Variants in SV2B observed in about 807,000 individuals in gnomAD.
SV2B encodes synaptic vesicle glycoprotein 2B, also known as solute carrier family 22 member B2.
A neutral mutation model predicts 73.9 loss-of-function variants in SV2B; 41 were observed. The observed-to-expected ratio is 0.56, with a 90% CI of 0.43 to 0.72. The LOEUF (loss-of-function observed/expected upper bound fraction) is 0.72. Among genes scored for constraint, SV2B ranks in the 30% least tolerant of loss-of-function variants. SV2B has a pLI of 0.00. For synonymous variants in SV2B, 314 were observed against 314.2 expected (o/e 1.00, Z 0.01); for missense variants, 764 against 857.8 (o/e 0.89, Z 1.37).
Position 91,268,371 on chromosome 15 carries a change from A to G in SV2B, c.1209-70A>G, listed in dbSNP as rs2048176713. 6.9e-7 allele frequency: 1 copy of G among 1,459,844 alleles called. No homozygotes were observed. 90.4% of individuals were successfully genotyped at this position (1,459,844 alleles called of 1,614,324 possible). A position where few individuals can be genotyped will look rare whatever the true frequency, so the allele number is the denominator to read the frequency against. ...AATGAGTTTGATCTGCATCAAGTCAAGAGTGTAGACCCTGATCATGAAAGA... is the reference window on the plus strand; with the variant it reads ...AATGAGTTTGATCTGCATCAAGTCAGGAGTGTAGACCCTGATCATGAAAGA... On this transcript the variant is annotated intron_variant, in intron 8 of 12. Transcript: ENST00000394232. The surrounding 1 kb of genome is among the most constrained non-coding windows in gnomAD (Gnocchi z 4.4).
chr15:91,142,050 A>C (rs1464824272), intron 1 of SV2B, among the ~76,000 whole-genome samples: 2 of 152,158 alleles, frequency 1.3e-5, no homozygotes, highest in East Asian at 1.9e-4. Context: ...CTGAACCCTA[A>C]GAGCTGGATA....
intron 1 of SV2B, among the ~76,000 whole-genome samples, chr15:91,109,988 G>A (rs976371490): frequency 2.6e-5 from 4 of 152,174 alleles, no homozygotes; most frequent in East Asian, 1.9e-4. Flanking sequence ...GCCTCCCAAA[G>A]TGCTGGGATT....
rs2046912109 is a variant in SV2B, at chr15:91,239,295, A to G, written c.452-12524A>G. The stretch of plus-strand genomic sequence containing the variant: ...AATCTCTGCTGGGGATGTGCAGAAA[A>G]TAGTCCAAAGAAGTTTTGTCCTTGC... On this transcript the variant is annotated intron_variant, in intron 2 of 12. Coordinates refer to ENST00000394232, the MANE Select transcript of SV2B (RefSeq NM_001323032.3). This position sits in a 1 kb window ranked among gnomAD's most constrained non-coding sequence, Gnocchi z 5.1. Among the ~76,000 whole-genome samples the G allele has an allele frequency of 1.3e-5, 2 of 152,026 alleles. No individual in the cohort carries two copies. The highest frequency in any genetic ancestry group is 1.9e-4 in the East Asian group (1 of 5,174).
intron 1 of SV2B, among the ~76,000 whole-genome samples, chr15:91,134,040 C>T (rs2042741667): frequency 9.1e-6 from 1 of 110,462 alleles, no homozygotes; most frequent in Non-Finnish European, 1.8e-5. Flanking sequence ...GCTCTGTCTC[C>T]TAGGCTGGAG....
chr15:91,228,045 G>A (rs189447637), intron 2 of SV2B, among the ~76,000 whole-genome samples: 3 of 152,272 alleles, frequency 2.0e-5, no homozygotes, highest in Admixed American at 6.5e-5. Flanking sequence ...TTTAGCCTGC[G>A]GGCTGCAGTT....
intron 6 of SV2B, among the ~76,000 whole-genome samples, chr15:91,266,002 G>A (rs912147811): frequency 2.6e-5 from 4 of 152,160 alleles, no homozygotes; most frequent in African/African-American, 9.7e-5. Flanking sequence ...AATTAGCTGG[G>A]TGTGGTGGTG....
At chr15:91,165,074 T>C (rs535150171) in intron 1 of SV2B, among the ~76,000 whole-genome samples, 2 of 152,292 alleles carry the variant, frequency 1.3e-5, no homozygotes, top group South Asian at 2.1e-4. Context: ...TGGTGGCTCT[T>C]GCCTGTAATC....
At chr15:91,159,699 C>G (rs2043641709) in intron 1 of SV2B, among the ~76,000 whole-genome samples, 1 of 152,098 alleles carries the variant, frequency 6.6e-6, no homozygotes, top group Non-Finnish European at 1.5e-5. Flanking sequence ...AAGTTTCCAA[C>G]TAAATACGAC....
intron 1 of SV2B, among the ~76,000 whole-genome samples, chr15:91,222,690 C>T (rs79019892): frequency 6.6e-6 from 1 of 152,082 alleles, no homozygotes; most frequent in Non-Finnish European, 1.5e-5. Flanking sequence ...TCTGTTTGAA[C>T]GTGGATTTCA....
chr15:91,146,331 G>C (rs1285503366), intron 1 of SV2B, among the ~76,000 whole-genome samples: 2 of 152,100 alleles, frequency 1.3e-5, no homozygotes, highest in African/African-American at 2.4e-5. Context: ...CCAGTACCAT[G>C]CTGTTTTGGT....
At chr15:91,167,108 C>T (rs75193159) in intron 1 of SV2B, among the ~76,000 whole-genome samples, 10,166 of 152,104 alleles carry the variant, frequency 0.067, 447 homozygotes, top group Non-Finnish European at 0.092. Flanking sequence ...CCACCGCGCC[C>T]GGCCGTATAG....
At chr15:91,147,782 A>G (rs2043187190) in intron 1 of SV2B, among the ~76,000 whole-genome samples, 3 of 152,022 alleles carry the variant, frequency 2.0e-5, no homozygotes, top group Admixed American at 2.0e-4. Context: ...GCCTAGGAGG[A>G]AACAATTAGA....
chr15:91,130,798 A>C lies in SV2B; in HGVS notation c.-392+30435A>C, dbSNP rs956411785. 4.6e-5 allele frequency among the ~76,000 whole-genome samples: 7 copies of C among 151,998 alleles called. No homozygotes were observed. The highest frequency in any genetic ancestry group is 1.7e-4 in the African/African-American group (7 of 41,374). On this transcript the variant is annotated intron_variant, in intron 1 of 12. Transcript: ENST00000394232. This position sits in a 1 kb window ranked among gnomAD's most constrained non-coding sequence, Gnocchi z 5.6. ...CGTTCGGAGGTGAAAGCAAGGGGAG[A>C]ATGTTGGCCAAGCTTGTAGGAAAGA... is the stretch of plus-strand genomic sequence containing the variant.
At chr15:91,202,211 C>A (rs1035461410) in intron 1 of SV2B, among the ~76,000 whole-genome samples, 2 of 152,170 alleles carry the variant, frequency 1.3e-5, no homozygotes, top group African/African-American at 2.4e-5. Context: ...ATGAGATATG[C>A]ATTTACTTGT....
chr15:91,220,495 C>G lies in SV2B; in HGVS notation c.-391-5378C>G, dbSNP rs992355604. ...AGAATATTAAAAGCCTAATGCTCTA[C>G]AGAACAGATTTTGGGAAGCATTACA... On this transcript the variant is annotated intron_variant, in intron 1 of 12. Transcript: ENST00000394232. The surrounding 1 kb of genome is among the most constrained non-coding windows in gnomAD (Gnocchi z 4.1). 3.9e-5 allele frequency among the ~76,000 whole-genome samples: 6 copies of G among 152,216 alleles called. No homozygotes were observed. The highest frequency in any genetic ancestry group is 1.4e-4 in the African/African-American group (6 of 41,458).
intron 9 of SV2B, among the ~76,000 whole-genome samples, chr15:91,278,887 G>A (rs1196879691): frequency 1.3e-5 from 2 of 152,020 alleles, no homozygotes; most frequent in Admixed American, 1.3e-4. Context: ...ATTTCATGGT[G>A]GCTAGAGAGC....
In SV2B at chr15:91,231,215, G is replaced by A. The variant is rs150733400; in HGVS notation, c.451+4501G>A. 6.4e-4 allele frequency among the ~76,000 whole-genome samples: 97 copies of A among 152,252 alleles called. No individual in the cohort carries two copies. The highest frequency in any genetic ancestry group is 2.1e-3 in the African/African-American group (89 of 41,548). The stretch of plus-strand genomic sequence containing the variant: ...TCTTACAAATGACATCACTGACAAC[G>A]GATTGCCATGTTTAGGAGTGCGGAC... On this transcript the variant is annotated intron_variant, in intron 2 of 12. Transcript: ENST00000394232. The surrounding 1 kb of genome is among the most constrained non-coding windows in gnomAD (Gnocchi z 4.5).
At chr15:91,173,977 A>G (rs1328172118) in intron 1 of SV2B, among the ~76,000 whole-genome samples, 1 of 152,192 alleles carries the variant, frequency 6.6e-6, no homozygotes, top group Non-Finnish European at 1.5e-5. Context: ...GACCACTGCA[A>G]CAGTACTCAA....
At chr15:91,187,099 G>A (rs12592874) in intron 1 of SV2B, among the ~76,000 whole-genome samples, 47,359 of 152,018 alleles carry the variant, frequency 0.31, 8,209 homozygotes, top group East Asian at 0.71. Flanking sequence ...AAGAAAAACC[G>A]GCAGGCAGTA....
Sources: gnomAD v4.1 joint callset for allele counts (sites outside exome capture counted in the v4.1 genomes callset) on GRCh38, gnomAD v4.1.1 for gene constraint, Gnocchi (gnomAD v3.1) non-coding constraint, MANE v1.5 for transcripts, NCBI Gene and HGNC (gene_info 2026-07-23, HGNC 2026-07-21) for gene names.